Variants in CACNA2D3 observed in about 807,000 individuals in gnomAD.
CACNA2D3 encodes calcium voltage-gated channel auxiliary subunit alpha2delta 3, also known as voltage-dependent calcium channel subunit alpha-2/delta-3.
A neutral mutation model predicts 160.6 loss-of-function variants in CACNA2D3; 60 were observed. The ratio of observed to expected loss-of-function variants is 0.37; its 90% CI spans 0.30 to 0.46. CACNA2D3 has a LOEUF of 0.46. Among genes scored for constraint, CACNA2D3 ranks in the 20% least tolerant of loss-of-function variants. The probability of loss-of-function intolerance (pLI) is 1.00; values close to 1 mark genes in which losing one functional copy is unlikely to be tolerated. For synonymous variants in CACNA2D3, 558 were observed against 492.9 expected (o/e 1.13, Z -1.75); for missense variants, 1,205 against 1,365.0 (o/e 0.88, Z 1.85).
intron 8 of CACNA2D3, among the ~76,000 whole-genome samples, chr3:54,580,173 T>G (rs989446358): frequency 1.3e-5 from 2 of 152,120 alleles, no homozygotes; most frequent in East Asian, 3.9e-4. Flanking sequence ...GGGTGAGTGA[T>G]TGGACGTGCT....
chr3:54,180,483 A>G (rs993552329), intron 2 of CACNA2D3, among the ~76,000 whole-genome samples: 1 of 152,220 alleles, frequency 6.6e-6, no homozygotes, highest in South Asian at 2.1e-4. Flanking sequence ...CCCAGCTCCC[A>G]TAGCCAATGT....
chr3:55,065,594 G>T (rs1407596117), intron 35 of CACNA2D3, among the ~76,000 whole-genome samples: 1 of 151,978 alleles, frequency 6.6e-6, no homozygotes, highest in Non-Finnish European at 1.5e-5. Flanking sequence ...TTGAGCCCAG[G>T]AATTCAAGGC....
chr3:54,471,409 G>C (rs1483938033), intron 4 of CACNA2D3, among the ~76,000 whole-genome samples: 2 of 152,210 alleles, frequency 1.3e-5, no homozygotes, highest in African/African-American at 2.4e-5. Flanking sequence ...GCAGTGTGTA[G>C]AGGGAAATTT....
intron 11 of CACNA2D3, among the ~76,000 whole-genome samples, chr3:54,668,774 A>G (rs1180634048): frequency 6.6e-6 from 1 of 152,200 alleles, no homozygotes; most frequent in Non-Finnish European, 1.5e-5. Flanking sequence ...TTCCTTCAAG[A>G]TGGCAGTGGT....
At chr3:54,284,020 C>G (rs1200093700) in intron 2 of CACNA2D3, among the ~76,000 whole-genome samples, 1 of 152,212 alleles carries the variant, frequency 6.6e-6, no homozygotes, top group African/African-American at 2.4e-5. Context: ...CGAGATTGCA[C>G]CGCTGCACTC....
intron 2 of CACNA2D3, among the ~76,000 whole-genome samples, chr3:54,156,388 G>A (rs1185584968): frequency 6.6e-6 from 1 of 152,216 alleles, no homozygotes; most frequent in Non-Finnish European, 1.5e-5. Flanking sequence ...AATGCCGTCA[G>A]TCACTGGATG....
chr3:54,541,531 T>A (rs1042580278), intron 5 of CACNA2D3, among the ~76,000 whole-genome samples: 1 of 152,056 alleles, frequency 6.6e-6, no homozygotes, highest in Admixed American at 6.6e-5. Flanking sequence ...CCTCCAGAAC[T>A]AAGGAGTAAG....
intron 35 of CACNA2D3, among the ~76,000 whole-genome samples, chr3:55,037,949 C>T (rs772077384): frequency 1.9e-4 from 29 of 152,266 alleles, no homozygotes; most frequent in Admixed American, 4.6e-4. Context: ...GATTAAAAAT[C>T]GGATAAACTG....
chr3:54,171,713 C>G (rs151315418), intron 2 of CACNA2D3, among the ~76,000 whole-genome samples: 4 of 152,282 alleles, frequency 2.6e-5, no homozygotes, highest in African/African-American at 9.6e-5. Flanking sequence ...AGCCCAAGGT[C>G]TGCTTCTCCA....
At chr3:54,202,377 CAGTT>C (rs1183200569) in intron 2 of CACNA2D3, among the ~76,000 whole-genome samples, 1 of 152,236 alleles carries the variant, frequency 6.6e-6, no homozygotes, top group Non-Finnish European at 1.5e-5. Context: ...ACGCTGCAGG[CAGTT>C]AGACTGGAAG....
chr3:54,827,840 G>T (rs995091166), intron 14 of CACNA2D3, among the ~76,000 whole-genome samples: 2 of 152,162 alleles, frequency 1.3e-5, no homozygotes, highest in Non-Finnish European at 2.9e-5. Flanking sequence ...CATTTGCTGG[G>T]CATGTCTTGT....
intron 35 of CACNA2D3, among the ~76,000 whole-genome samples, chr3:55,042,486 A>G (rs1703978315): frequency 1.3e-5 from 2 of 152,152 alleles, no homozygotes; most frequent in African/African-American, 4.8e-5. Context: ...ACTTAGAATT[A>G]GCATGTTACA....
At chr3:54,967,358 G>A (rs1004038480) in intron 27 of CACNA2D3, among the ~76,000 whole-genome samples, 8 of 152,112 alleles carry the variant, frequency 5.3e-5, no homozygotes, top group African/African-American at 1.9e-4. Context: ...ATAGTGGCAC[G>A]CAAAATTTTT....
intron 2 of CACNA2D3, among the ~76,000 whole-genome samples, chr3:54,236,240 A>T (rs1701874102): frequency 6.6e-6 from 1 of 152,192 alleles, no homozygotes; most frequent in Admixed American, 6.5e-5. Flanking sequence ...GATATCCTAG[A>T]TGTGATCCTG....
At chr3:54,322,436 T>G (rs2107509778) in intron 3 of CACNA2D3, among the ~76,000 whole-genome samples, 1 of 152,350 alleles carries the variant, frequency 6.6e-6, no homozygotes, top group South Asian at 2.1e-4. Flanking sequence ...GCAATCTCAT[T>G]CTTGTATCAA....
chr3:54,224,514 A>G (rs1277266580), intron 2 of CACNA2D3, among the ~76,000 whole-genome samples: 1 of 152,188 alleles, frequency 6.6e-6, no homozygotes, highest in Non-Finnish European at 1.5e-5. Context: ...CACCTGGGAC[A>G]TCACTAAGTG....
intron 11 of CACNA2D3, among the ~76,000 whole-genome samples, chr3:54,739,433 A>AC (rs1405818403): frequency 6.7e-6 from 1 of 148,814 alleles, no homozygotes; most frequent in African/African-American, 2.5e-5. Flanking sequence ...CTCAAAAAAA[A>AC]AAAAAAAACA....
intron 31 of CACNA2D3, among the ~76,000 whole-genome samples, chr3:54,992,417 C>T (rs918283056): frequency 6.6e-5 from 10 of 152,110 alleles, no homozygotes; most frequent in Non-Finnish European, 1.0e-4. Context: ...CACTCAGCTT[C>T]CTTCCTGGAT....
chr3:54,947,298 CA>C (rs1701640537), intron 27 of CACNA2D3, among the ~76,000 whole-genome samples: 1 of 152,074 alleles, frequency 6.6e-6, no homozygotes, highest in Non-Finnish European at 1.5e-5. Context: ...GACCAAGAAA[CA>C]GAAGAAAAGG....
Sources: allele counts gnomAD v4.1 joint callset (sites outside exome capture counted in the v4.1 genomes callset), GRCh38; gene constraint gnomAD v4.1.1; transcripts MANE v1.5; gene names NCBI Gene and HGNC (gene_info 2026-07-23, HGNC 2026-07-21).